Variants in PSME4 observed in about 807,000 individuals in gnomAD.
PSME4 encodes proteasome activator complex subunit 4.
Under a neutral mutation model 253.9 loss-of-function variants are expected in PSME4, and 89 were observed. The ratio of observed to expected loss-of-function variants is 0.35; its 90% confidence interval spans 0.30 to 0.42. The LOEUF is 0.42. Among genes scored for constraint, PSME4 ranks in the 10% least tolerant of loss-of-function variants. The pLI, the probability that PSME4 is intolerant of heterozygous loss-of-function variation, is 1.00. For missense variants in PSME4, 2,014 were observed against 2,195.2 expected, an observed-to-expected ratio of 0.92 and a Z score of 1.65; for synonymous variants, 851 against 759.2, an observed-to-expected ratio of 1.12 and a Z score of -1.99.
chr2:53,946,265 G>C (rs917727602), intron 3 of PSME4, among the ~76,000 whole-genome samples: 1 of 152,248 alleles, frequency 6.6e-6, no homozygotes, highest in Non-Finnish European at 1.5e-5. Context: ...TGAAGAACAG[G>C]GTATCACTGA....
At chr2:53,952,397 C>G (rs1385183620) in intron 1 of PSME4, among the ~76,000 whole-genome samples, 2 of 152,090 alleles carry the variant, frequency 1.3e-5, no homozygotes, top group African/African-American at 4.8e-5. Flanking sequence ...CAAAAATTAG[C>G]TGGGCATGGT....
At chr2:53,876,713 A>ATCCTTTT (rs1679139819) in intron 41 of PSME4, among the ~76,000 whole-genome samples, 1 of 77,200 alleles carries the variant, frequency 1.3e-5, no homozygotes, top group African/African-American at 4.7e-5. Context: ...AGCCACTGTC[A>ATCCTTTT]TTCTTTTTTT....
In PSME4 at chr2:53,934,710, C is replaced by T. The variant is rs372854094; in HGVS notation, c.852G>A (p.Leu284=). 6.9e-6 allele frequency: 11 copies of T among 1,591,858 alleles called. No homozygotes were observed. The East Asian group carries it at 1.1e-4, about 16-fold the overall frequency. ...TTCCCACTGGGAGGTTCAAGCTTCT[C>T]AGAATTCTTGTAAATATCTTTTAAA... is the stretch of plus-strand genomic sequence containing the variant. ...PYVPKIFTRI[L]RSLNLPVGSS... The change falls in exon 8 of 47, where the codon CTG becomes CTA. Residue 284 remains leucine (L), a synonymous_variant. Transcript: ENST00000404125.
At chr2:53,964,458 C>T (rs570701741) in intron 1 of PSME4, among the ~76,000 whole-genome samples, 1 of 152,292 alleles carries the variant, frequency 6.6e-6, no homozygotes, top group South Asian at 2.1e-4. Context: ...TCAACTTTCT[C>T]ACTACAAAGA....
At chr2:53,917,020 A>C (rs1412868937) in intron 20 of PSME4, among the ~76,000 whole-genome samples, 1 of 151,086 alleles carries the variant, frequency 6.6e-6, no homozygotes, top group Non-Finnish European at 1.5e-5. Context: ...AATTATTTTT[A>C]AAAATTGAAG....
intron 17 of PSME4, 23 bp from the exon 18 acceptor site, chr2:53,921,127 T>TG: frequency 6.2e-7 from 1 of 1,611,920 alleles, no homozygotes; most frequent in Non-Finnish European, 8.5e-7. Flanking sequence ...AAAAAATAGT[T>TG]GAAGATATTT....
intron 18 of PSME4, 132 bp from the exon 19 acceptor site, chr2:53,920,482 T>C (rs1437407830): frequency 4.3e-6 from 4 of 925,638 alleles, no homozygotes; most frequent in Admixed American, 6.3e-5. Context: ...TAGCAAATGA[T>C]ATACAAAAAA....
intron 26 of PSME4, 52 bp downstream of exon 26, chr2:53,906,546 G>T: frequency 4.1e-6 from 6 of 1,453,684 alleles, no homozygotes; most frequent in Non-Finnish European, 4.5e-6. Context: ...TATTAAGATT[G>T]CATGTAATAA....
chr2:53,959,371 AAG>A (rs918691310), intron 1 of PSME4, among the ~76,000 whole-genome samples: 1 of 152,050 alleles, frequency 6.6e-6, no homozygotes, highest in Non-Finnish European at 1.5e-5. Context: ...TCTCAAAAAA[AAG>A]AGGGGGGAAA....
intron 32 of PSME4, 44 bp downstream of exon 32, chr2:53,896,758 TGA>T: frequency 6.9e-7 from 1 of 1,459,676 alleles, no homozygotes; most frequent in Non-Finnish European, 9.6e-7. Context: ...GAAAATTTTC[TGA>T]GTTTTATTGG....
intron 33 of PSME4, 28 bp downstream of exon 33, chr2:53,895,555 A>C (rs1680102129): frequency 1.3e-6 from 2 of 1,579,808 alleles, no homozygotes; most frequent in Non-Finnish European, 8.6e-7. Context: ...AAGGCATTTA[A>C]TGATAAGGTG....
rs1381976490 is a variant in PSME4 at position 53,935,946 on chromosome 2, T to C, written c.834+141A>G. On this transcript the variant is annotated intron_variant, in intron 7 of 46. Transcript: ENST00000404125. The stretch of plus-strand genomic sequence containing the variant: ...TCAAGCTCTGTCACCCAGGCTGGAG[T>C]GCAGTACTGCAATCTTGGCTCACTG... 1.1e-5 allele frequency: 11 copies of C among 1,021,366 alleles called. No individual in the cohort carries two copies. The East Asian group carries it at 1.9e-4, about 17-fold the overall frequency. The allele number at this position is 1,021,366 out of a possible 1,614,324, so 63.3% of individuals were successfully genotyped here. A position where few individuals can be genotyped will look rare whatever the true frequency, so the allele number is the denominator to read the frequency against.
intron 3 of PSME4, chr2:53,942,263 A>G (rs1669486963): frequency 1.3e-5 from 2 of 152,618 alleles, no homozygotes; most frequent in Admixed American, 6.5e-5. Context: ...GCTAGATGCT[A>G]CTAGACTACA....
At chr2:53,930,017 CTAAATAAATAAATAA>C (rs947157535) in intron 10 of PSME4, among the ~76,000 whole-genome samples, 7 of 151,312 alleles carry the variant, frequency 4.6e-5, no homozygotes, top group Admixed American at 1.3e-4. Flanking sequence ...GAGTCTGTCT[CTAAATAAATAAATAA>C]TAAATAAATA....
rs1573325081 is a variant in PSME4, at chr2:53,934,627, A to G, written c.935T>C (p.Val312Ala). ...LTNAYDIGHA[V>A]IWITAMMGGP... is the part of the protein sequence containing the mutation. Reference sequence around the variant, plus strand: ...AACCATCATGGCGGTGATCCATATTACAGCATGTCCTATATCATAAGCATT... The same window carrying G: ...AACCATCATGGCGGTGATCCATATTGCAGCATGTCCTATATCATAAGCATT... The change falls in exon 8 of 47, where the codon GTA becomes GCA. Residue 312 changes from valine (V) to alanine (A), a missense_variant. Transcript: ENST00000404125. 3 of 1,612,488 alleles carry G rather than the reference A, an allele frequency of 1.9e-6. No individual in the cohort carries two copies. The highest frequency in any genetic ancestry group is 2.5e-6 in the Non-Finnish European group (3 of 1,179,070).
At position 53,866,239 on chromosome 2, in the gene PSME4, C is replaced by A. The variant is rs1408690820; in HGVS notation, c.5398-16G>T. 1 of 1,612,796 alleles carries A rather than the reference C, an allele frequency of 6.2e-7. No homozygotes were observed. The highest frequency in any genetic ancestry group is 8.5e-7 in the Non-Finnish European group (1 of 1,179,444). On this transcript the variant is annotated splice_polypyrimidine_tract_variant and intron_variant, in intron 45 of 46. Transcript: ENST00000404125. ...TTACAGTCATCTGTAAAGTAGACAA[C>A]CCACATACGTTTTAACCTCTCTGGA...
chr2:53,944,163 A>T (rs1466132490), intron 3 of PSME4, among the ~76,000 whole-genome samples: 2 of 147,888 alleles, frequency 1.4e-5, no homozygotes, highest in East Asian at 2.0e-4. Context: ...AATCTGGTAA[A>T]TTTTTTTTTT....
At position 53,928,220 on chromosome 2, in the gene PSME4, A is replaced by C; in HGVS notation, c.1400T>G (p.Leu467Trp). The part of the protein sequence containing the change: ...LSCVIGVARS[L>W]VSGGRWFPEG... Reference sequence around the variant, plus strand: ...AGGAAACCATCTGCCTCCTGATACCAAACTGCGGGCTACTCCAATTACACA... The same window carrying C: ...AGGAAACCATCTGCCTCCTGATACCCAACTGCGGGCTACTCCAATTACACA... Residue 467 changes from leucine to tryptophan, a missense_variant, in exon 11 of 47, where the codon TTG becomes TGG. Coordinates refer to ENST00000404125, the MANE Select transcript of PSME4 (RefSeq NM_014614.3). The C allele has an allele frequency of 6.2e-7, 1 of 1,614,176 alleles. No homozygotes were observed. Among genetic ancestry groups the C allele is most frequent in the Non-Finnish European group, 8.5e-7 (1 of 1,180,012 alleles).
chr2:53,941,763 A>G (rs1446097746), intron 3 of PSME4, among the ~76,000 whole-genome samples: 1 of 152,130 alleles, frequency 6.6e-6, no homozygotes. Context: ...ATCCATGAAA[A>G]TGAGCATAAG....
Sources: allele counts gnomAD v4.1 joint callset (sites outside exome capture counted in the v4.1 genomes callset), GRCh38; gene constraint gnomAD v4.1.1; transcripts MANE v1.5; gene names NCBI Gene and HGNC (gene_info 2026-07-23, HGNC 2026-07-21).